NR5A2: variants seen among roughly 807,000 people sequenced by gnomAD.
NR5A2 encodes CYP7A promoter-binding factor.
Under a neutral mutation model 62.7 loss-of-function variants are expected in NR5A2, and 26 were observed. The ratio of observed to expected loss-of-function variants is 0.41; its 90% CI spans 0.30 to 0.58. The LOEUF is 0.58. Among genes scored for constraint, NR5A2 ranks in the 20% least tolerant of loss-of-function variants. NR5A2 has a pLI of 0.22. For synonymous variants in NR5A2, 246 were observed against 241.7 expected (o/e 1.02, Z -0.16); for missense variants, 541 against 669.1 (o/e 0.81, Z 2.11).
At chr1:200,055,250 C>T (rs1662861413) in intron 5 of NR5A2, among the ~76,000 whole-genome samples, 1 of 151,482 alleles carries the variant, frequency 6.6e-6, no homozygotes, top group South Asian at 2.1e-4. Flanking sequence ...GGCTGGAGTG[C>T]AATGGTGCAA....
chr1:200,077,013 A>G lies in NR5A2; in HGVS notation c.1110+28195A>G, dbSNP rs944600653. ...GACCATGTCATGTGACATGTATACA[A>G]ACTATCCTTTTTCAAGAAAAAACCT... On this transcript the variant is annotated intron_variant, in intron 5 of 7. Transcript: ENST00000367362. 5.3e-5 allele frequency among the ~76,000 whole-genome samples: 8 copies of G among 152,234 alleles called. No homozygotes were observed. The East Asian group carries it at 1.5e-3, about 29-fold the overall frequency.
intron 5 of NR5A2, among the ~76,000 whole-genome samples, chr1:200,067,327 C>A (rs886605424): frequency 6.6e-6 from 1 of 152,236 alleles, no homozygotes. Flanking sequence ...GAGGCCAAGG[C>A]GGGGAGATCA....
chr1:200,149,821 A>G (rs1484303533), intron 7 of NR5A2, among the ~76,000 whole-genome samples: 1 of 152,224 alleles, frequency 6.6e-6, no homozygotes, highest in African/African-American at 2.4e-5. Context: ...ATCTGTGCCT[A>G]TAATGATTTC....
chr1:200,141,402 A>G (rs1057475128), intron 7 of NR5A2, among the ~76,000 whole-genome samples: 38 of 152,182 alleles, frequency 2.5e-4, no homozygotes, highest in Non-Finnish European at 1.0e-4. Context: ...TCACTCAGCA[A>G]TATTCCCCTA....
intron 7 of NR5A2, among the ~76,000 whole-genome samples, chr1:200,169,397 T>A (rs911796799): frequency 3.9e-5 from 6 of 152,164 alleles, no homozygotes; most frequent in African/African-American, 1.4e-4. Context: ...GCCCCCTGGC[T>A]CAGCAGAGGA....
chr1:200,062,255 G>GTGTGTGTGTA (rs1176481005), intron 5 of NR5A2, among the ~76,000 whole-genome samples: 3 of 151,850 alleles, frequency 2.0e-5, no homozygotes, highest in African/African-American at 7.3e-5. Context: ...GTGTGTGTGT[G>GTGTGTGTGTA]TGTATCTGTG....
intron 2 of NR5A2, among the ~76,000 whole-genome samples, chr1:200,040,530 C>T (rs1344629985): frequency 6.6e-6 from 1 of 150,864 alleles, no homozygotes; most frequent in East Asian, 1.9e-4. Flanking sequence ...CCGCTGGCTA[C>T]ATTTTCTCCT....
Position 200,147,464 on chromosome 1 carries a change from C to T in NR5A2, c.1379-26499C>T. On this transcript the variant is annotated intron_variant, in intron 7 of 7. Transcript: ENST00000367362. This position sits in a 1 kb window ranked among gnomAD's most constrained non-coding sequence, Gnocchi z 4.9. Reference sequence around the variant, plus strand: ...GCTGCCTCCTCCAGTACACGGAGAGCTCTTTGAGGCAAGGGACAATTTGAT... The same window carrying T: ...GCTGCCTCCTCCAGTACACGGAGAGTTCTTTGAGGCAAGGGACAATTTGAT... 1.7e-6 allele frequency: 1 copy of T among 584,482 alleles called. No individual in the cohort carries two copies. 36.2% of individuals were successfully genotyped at this position (584,482 alleles called of 1,614,324 possible).
Position 200,147,980 on chromosome 1 carries a change from CT to C in NR5A2, c.1379-25981del. The C allele has an allele frequency of 3.1e-6, 1 of 317,824 alleles. No individual in the cohort carries two copies. Among genetic ancestry groups the C allele is most frequent in the Admixed American group, 4.6e-5 (1 of 21,686 alleles). 19.7% of individuals were successfully genotyped at this position (317,824 alleles called of 1,614,324 possible). ...GGTAGGCGATGCATCGGGCGGCCGC[CT>C]TGACCTCCTCCCGCGAGCCGAAAAC... On this transcript the variant is annotated intron_variant, in intron 7 of 7. Coordinates refer to ENST00000367362, the MANE Select transcript of NR5A2 (RefSeq NM_205860.3). The surrounding 1 kb of genome is among the most constrained non-coding windows in gnomAD (Gnocchi z 4.9).
chr1:200,141,816 C>G (rs946220865), intron 7 of NR5A2, among the ~76,000 whole-genome samples: 1 of 152,172 alleles, frequency 6.6e-6, no homozygotes, highest in Non-Finnish European at 1.5e-5. Context: ...TCTCTTAACA[C>G]TTGGGAAGTC....
intron 7 of NR5A2, among the ~76,000 whole-genome samples, chr1:200,145,861 GCAGT>G (rs1667676944): frequency 6.6e-6 from 1 of 152,128 alleles, no homozygotes; most frequent in African/African-American, 2.4e-5. Flanking sequence ...TGCAAGAAGG[GCAGT>G]CAGTTTATGC....
intron 5 of NR5A2, among the ~76,000 whole-genome samples, chr1:200,075,919 TA>T (rs1664012404): frequency 1.3e-5 from 2 of 152,024 alleles, no homozygotes; most frequent in Non-Finnish European, 2.9e-5. Context: ...TAAGAAACAA[TA>T]GTGTTTATTT....
chr1:200,043,008 A>G (rs530630925), intron 2 of NR5A2: 8 of 985,372 alleles, frequency 8.1e-6, no homozygotes, highest in Non-Finnish European at 9.6e-6. Context: ...TGTGAGGTTC[A>G]TTACAGGGCT....
intron 7 of NR5A2, among the ~76,000 whole-genome samples, chr1:200,146,543 C>T (rs1370105557): frequency 6.6e-6 from 1 of 152,166 alleles, no homozygotes; most frequent in East Asian, 1.9e-4. Flanking sequence ...TTTTGTACAG[C>T]AACTGAAGAC....
At chr1:200,149,859 TTCA>T (rs1307424958) in intron 7 of NR5A2, among the ~76,000 whole-genome samples, 2 of 152,166 alleles carry the variant, frequency 1.3e-5, no homozygotes, top group African/African-American at 4.8e-5. Context: ...TGAACTACTA[TTCA>T]TCATTTAGGG....
intron 6 of NR5A2, among the ~76,000 whole-genome samples, chr1:200,117,127 C>T (rs1434069432): frequency 6.6e-6 from 1 of 152,138 alleles, no homozygotes; most frequent in Non-Finnish European, 1.5e-5. Flanking sequence ...GCTTCAATAT[C>T]TCCCTTGAAT....
At position 200,107,668 on chromosome 1, in the gene NR5A2, C is replaced by T. The variant is rs150656646; in HGVS notation, c.1111-3534C>T. ...TTTTTTGCTTGTTTTGAGACAGAGT[C>T]TTGTTCTGTCACCCAGGCTGAAGTG... On this transcript the variant is annotated intron_variant, in intron 5 of 7. Coordinates refer to ENST00000367362, the MANE Select transcript of NR5A2 (RefSeq NM_205860.3). 5.8e-3 allele frequency among the ~76,000 whole-genome samples: 887 copies of T among 152,270 alleles called. 5 individuals carry two copies. The highest frequency in any genetic ancestry group is 9.6e-3 in the Non-Finnish European group (653 of 68,012).
chr1:200,170,634 C>T (rs1654131149), intron 7 of NR5A2, among the ~76,000 whole-genome samples: 1 of 152,158 alleles, frequency 6.6e-6, no homozygotes, highest in South Asian at 2.1e-4. Flanking sequence ...CTGTCAGGTC[C>T]AGTCCGCAGC....
At chr1:200,079,613 T>A (rs986572978) in intron 5 of NR5A2, among the ~76,000 whole-genome samples, 3 of 152,250 alleles carry the variant, frequency 2.0e-5, no homozygotes, top group African/African-American at 7.2e-5. Context: ...TGCATTTGTC[T>A]GCTGATAGAT....
Sources: gnomAD v4.1 joint callset for allele counts (sites outside exome capture counted in the v4.1 genomes callset) on GRCh38, gnomAD v4.1.1 for gene constraint, Gnocchi (gnomAD v3.1) non-coding constraint, MANE v1.5 for transcripts, NCBI Gene and HGNC (gene_info 2026-07-23, HGNC 2026-07-21) for gene names.